Variants in MISP observed in about 807,000 individuals in gnomAD.
The protein encoded by MISP is mitotic spindle positioning.
In MISP, 51 loss-of-function variants were observed where a neutral mutation model predicts 49.3. That is an observed-to-expected ratio of 1.03 (90% CI 0.83 to 1.31). MISP has a LOEUF of 1.31. Ranked by LOEUF, MISP falls within the 50% of genes most tolerant of loss-of-function variation. The pLI is 0.00. For missense variants in MISP, 1,084 were observed against 935.1 expected (o/e 1.16, Z -2.08); for synonymous variants, 444 against 392.6 (o/e 1.13, Z -1.55).
At chr19:753,192 T>G (rs2033486681) in intron 1 of MISP, among the ~76,000 whole-genome samples, 1 of 152,112 alleles carries the variant, frequency 6.6e-6, no homozygotes, top group Non-Finnish European at 1.5e-5. Flanking sequence ...GCTGTTTGTG[T>G]GGGATTTATT....
At chr19:748,808 G>A (rs1353737525), upstream of MISP, among the ~76,000 whole-genome samples, 2 of 152,190 alleles carry the variant, frequency 1.3e-5, no homozygotes, top group Non-Finnish European at 2.9e-5. Flanking sequence ...TGGAGAAGTC[G>A]CTGCCTCCTC....
At chr19:750,996 C>T (rs1468085981), upstream of MISP, 1 of 152,610 alleles carries the variant, frequency 6.6e-6, no homozygotes, top group Non-Finnish European at 1.5e-5. Flanking sequence ...CCCTCCTCCT[C>T]CTCTGGACTT....
At chr19:762,135 G>T (rs1456914786) in intron 4 of MISP, among the ~76,000 whole-genome samples, 1 of 145,288 alleles carries the variant, frequency 6.9e-6, no homozygotes, top group Non-Finnish European at 1.5e-5. Flanking sequence ...TGTATTTTTA[G>T]TAGAGACGGG....
Position 757,407 on chromosome 19 carries a change from A to G in MISP, c.461A>G (p.Lys154Arg). 6 of 1,606,502 alleles carry G rather than the reference A, an allele frequency of 3.7e-6. No individual in the cohort carries two copies. The highest frequency in any genetic ancestry group is 5.1e-6 in the Non-Finnish European group (6 of 1,177,080). Reference sequence around the variant, plus strand: ...GTCATCCAGGGCCAGGCAGTCAGGAAGAGCAGCACCGTGGCCACGCTCCAG... The same window carrying G: ...GTCATCCAGGGCCAGGCAGTCAGGAGGAGCAGCACCGTGGCCACGCTCCAG... The part of the protein sequence containing the change: ...WAVIQGQAVR[K>R]SSTVATLQGT... The change falls in exon 2 of 5, where the codon AAG (lysine) becomes AGG (arginine). Residue 154 changes from lysine to arginine, a missense_variant. Transcript: ENST00000215582.
In MISP at chr19:758,557, G is replaced by T. The variant is rs757062047; in HGVS notation, c.1611G>T (p.Arg537Ser). Residue 537 changes from arginine to serine, a missense_variant, in exon 2 of 5, where the codon AGG becomes AGT. Physicochemically the swap from Arg to Ser is moderately radical, Grantham distance 110. Coordinates refer to ENST00000215582, the MANE Select transcript of MISP (RefSeq NM_173481.4). ...GWEVAGAPALRLQKSQSSDLL... is the reference protein window; with the variant it reads ...GWEVAGAPALSLQKSQSSDLL... ...AGGTGGCTGGGGCCCCTGCACTGAG[G>T]CTGCAGAAGTCCCAGTCATCTGATC... is the stretch of plus-strand genomic sequence containing the variant. 4.3e-6 allele frequency: 7 copies of T among 1,614,100 alleles called. No individual in the cohort carries two copies. Among genetic ancestry groups the T allele is most frequent in the Non-Finnish European group, 5.9e-6 (7 of 1,180,028 alleles).
At chr19:759,138 C>T (rs2033630446) in intron 2 of MISP, among the ~76,000 whole-genome samples, 2 of 152,006 alleles carry the variant, frequency 1.3e-5, no homozygotes, top group Admixed American at 6.6e-5. Flanking sequence ...ATTCTCCTGC[C>T]TCAGCCTCCT....
At chr19:759,771 C>T in intron 2 of MISP, 138 bp from the exon 3 acceptor site, 1 of 968,066 alleles carries the variant, frequency 1.0e-6, no homozygotes, top group African/African-American at 1.6e-5. Flanking sequence ...CTACTTTGGT[C>T]AATCTGTCAG....
In MISP at chr19:758,556, G is replaced by A; in HGVS notation, c.1610G>A (p.Arg537Lys). The change falls in exon 2 of 5, where the codon AGG (arginine) becomes AAG (lysine). Residue 537 changes from arginine (R) to lysine (K), a missense_variant. Physicochemically the swap from Arg to Lys is conservative, Grantham distance 26. Coordinates refer to ENST00000215582, the MANE Select transcript of MISP (RefSeq NM_173481.4). ...GWEVAGAPAL[R>K]LQKSQSSDLL... ...GAGGTGGCTGGGGCCCCTGCACTGA[G>A]GCTGCAGAAGTCCCAGTCATCTGAT... The A allele has an allele frequency of 6.2e-7, 1 of 1,614,200 alleles. No homozygotes were observed. Among genetic ancestry groups the A allele is most frequent in the South Asian group, 1.1e-5 (1 of 91,090 alleles).
intron 1 of MISP, among the ~76,000 whole-genome samples, chr19:753,778 G>C (rs894683678): frequency 3.3e-5 from 5 of 150,730 alleles, no homozygotes; most frequent in Non-Finnish European, 7.4e-5. Context: ...TGCTTTGTGG[G>C]GGTTTGTTTT....
chr19:749,819 C>T (rs1258498533), upstream of MISP, among the ~76,000 whole-genome samples: 8 of 151,094 alleles, frequency 5.3e-5, no homozygotes, highest in Admixed American at 2.6e-4. Context: ...AGCGAGACTC[C>T]GTCTCAAAAA....
intron 1 of MISP, among the ~76,000 whole-genome samples, chr19:751,614 G>T (rs2033460850): frequency 6.6e-6 from 1 of 152,204 alleles, no homozygotes; most frequent in African/African-American, 2.4e-5. Context: ...ACCCCCGTGG[G>T]GCTGGGGGCT....
intron 1 of MISP, among the ~76,000 whole-genome samples, chr19:752,439 G>T (rs993093186): frequency 6.6e-6 from 1 of 151,788 alleles, no homozygotes; most frequent in African/African-American, 2.4e-5. Context: ...CAGGAGAATG[G>T]TGTGAATCCG....
chr19:748,791 G>A (rs922119353), upstream of MISP, among the ~76,000 whole-genome samples: 4 of 152,232 alleles, frequency 2.6e-5, no homozygotes, highest in African/African-American at 7.2e-5. Flanking sequence ...CTCTCACGCT[G>A]TAGTCTTGGA....
chr19:757,880 G>A lies in MISP; in HGVS notation c.934G>A (p.Gly312Arg), dbSNP rs766819009. ...TGAGGCAGACCTGCGAGAGCAGAGG[G>A]GGCTTCGGCAGGCAACCGACCACCA... is the stretch of plus-strand genomic sequence containing the variant. ...EREADLREQR[G>R]LRQATDHQEL... Residue 312 changes from glycine (G) to arginine (R), a missense_variant, in exon 2 of 5, where the codon GGG becomes AGG. Coordinates refer to ENST00000215582, the MANE Select transcript of MISP (RefSeq NM_173481.4). 7 of 1,608,086 alleles carry A rather than the reference G, an allele frequency of 4.4e-6. No individual in the cohort carries two copies. The highest frequency in any genetic ancestry group is 5.1e-6 in the Non-Finnish European group (6 of 1,179,734).
rs1293837090 is a variant in MISP at position 757,348 on chromosome 19, G to A, written c.402G>A (p.Arg134=). The A allele has an allele frequency of 6.2e-7, 1 of 1,613,610 alleles. No individual in the cohort carries two copies. Among genetic ancestry groups the A allele is most frequent in the African/African-American group, 1.3e-5 (1 of 74,934 alleles). Residue 134 remains arginine (R), a synonymous_variant, in exon 2 of 5, where the codon AGG becomes AGA. Coordinates refer to ENST00000215582, the MANE Select transcript of MISP (RefSeq NM_173481.4). ...YRLDAGDADP[R]RLCDLERERW... The stretch of plus-strand genomic sequence containing the variant: ...TGGATGCTGGGGACGCTGACCCCAG[G>A]AGGCTGTGTGACCTGGAGCGGGAGC...
chr19:757,158 A>C lies in MISP; in HGVS notation c.212A>C (p.His71Pro), dbSNP rs777261616. 1 of 1,613,402 alleles carries C rather than the reference A, an allele frequency of 6.2e-7. No individual in the cohort carries two copies. Residue 71 changes from histidine to proline, a missense_variant, in exon 2 of 5, where the codon CAT (histidine) becomes CCT (proline). Transcript: ENST00000215582. ...VQRQGVSYSV[H>P]AYTGQPSPRG... ...AGGCAGGGGGTGTCCTACAGCGTGCATGCCTACACTGGCCAGCCGTCCCCA... is the reference window on the plus strand; with the variant it reads ...AGGCAGGGGGTGTCCTACAGCGTGCCTGCCTACACTGGCCAGCCGTCCCCA...
At chr19:752,519 A>C (rs1389336828) in intron 1 of MISP, among the ~76,000 whole-genome samples, 3 of 142,174 alleles carry the variant, frequency 2.1e-5, no homozygotes, top group South Asian at 2.3e-4. Context: ...GGGAGACTCT[A>C]TCTCAAAAAA....
At chr19:761,918 C>A (rs574568689) in intron 4 of MISP, among the ~76,000 whole-genome samples, 6 of 151,992 alleles carry the variant, frequency 3.9e-5, no homozygotes, top group African/African-American at 7.2e-5. Context: ...AGACCCCAAA[C>A]AAAGGCAATG....
chr19:750,646 A>T (rs1261011274), upstream of MISP, among the ~76,000 whole-genome samples: 1 of 151,420 alleles, frequency 6.6e-6, no homozygotes, highest in Non-Finnish European at 1.5e-5. Flanking sequence ...GCCACACCAA[A>T]CCCCCCCGAG....
Sources: gnomAD v4.1 joint callset for allele counts (sites outside exome capture counted in the v4.1 genomes callset) on GRCh38, gnomAD v4.1.1 for gene constraint, MANE v1.5 for transcripts, NCBI Gene and HGNC (gene_info 2026-07-23, HGNC 2026-07-21) for gene names.